MACROD2: variants seen among roughly 807,000 people sequenced by gnomAD.
The protein encoded by MACROD2 is ADP-ribose glycohydrolase MACROD2.
MACROD2 carries 36 observed loss-of-function variants against 70.4 expected under a neutral mutation model. The observed-to-expected ratio is 0.51, with a 90% CI of 0.39 to 0.68. MACROD2 has a LOEUF of 0.68. MACROD2 is among the 30% of genes least tolerant of loss of function. The pLI is 0.00. For synonymous variants in MACROD2, 172 were observed against 178.8 expected, an observed-to-expected ratio of 0.96 and a Z score of 0.30; for missense variants, 496 against 538.4, an observed-to-expected ratio of 0.92 and a Z score of 0.78.
intron 2 of MACROD2, among the ~76,000 whole-genome samples, chr20:14,059,514 G>A (rs1168358593): frequency 6.6e-6 from 1 of 152,170 alleles, no homozygotes; most frequent in Non-Finnish European, 1.5e-5. Flanking sequence ...ATGAATGACT[G>A]CAGTTCGGAT....
intron 5 of MACROD2, among the ~76,000 whole-genome samples, chr20:14,976,187 C>T (rs1384881301): frequency 1.3e-5 from 2 of 152,070 alleles, no homozygotes; most frequent in East Asian, 1.9e-4. Context: ...AACAAATTAC[C>T]ACAGATTTCA....
In MACROD2 at chr20:15,754,968, C is replaced by T. The variant is rs559764589; in HGVS notation, c.646-107777C>T. Among the ~76,000 whole-genome samples the T allele has an allele frequency of 2.2e-3, 331 of 152,022 alleles. 2 individuals carry two copies. The highest frequency in any genetic ancestry group is 7.7e-3 in the African/African-American group (318 of 41,480). On this transcript the variant is annotated intron_variant, in intron 8 of 17. Transcript: ENST00000684519. ...CTGCCTCCCAGGTTTAAGCGATTCT[C>T]CTACCTTAGCCTCCTGGGTAGTTGG...
chr20:14,435,471 T>C (rs933233403), intron 3 of MACROD2, among the ~76,000 whole-genome samples: 1 of 152,186 alleles, frequency 6.6e-6, no homozygotes, highest in Non-Finnish European at 1.5e-5. Flanking sequence ...CAGTGTTCAC[T>C]GCTTTTGTTC....
intron 5 of MACROD2, among the ~76,000 whole-genome samples, chr20:14,932,990 T>C (rs1397417034): frequency 3.3e-5 from 5 of 152,136 alleles, no homozygotes; most frequent in South Asian, 2.1e-4. Context: ...TTCTTTTATA[T>C]AGACAAAATA....
At chr20:15,083,933 C>A (rs2075724720) in intron 5 of MACROD2, among the ~76,000 whole-genome samples, 1 of 151,588 alleles carries the variant, frequency 6.6e-6, no homozygotes, top group Non-Finnish European at 1.5e-5. Flanking sequence ...ATTTGAACCA[C>A]AGCACAAAAT....
intron 3 of MACROD2, among the ~76,000 whole-genome samples, chr20:14,342,509 G>T (rs1432269802): frequency 1.3e-5 from 2 of 152,104 alleles, no homozygotes; most frequent in Non-Finnish European, 2.9e-5. Context: ...TAAGCCTATA[G>T]GATGTTAATA....
chr20:14,063,096 A>G (rs1389394009), intron 2 of MACROD2, among the ~76,000 whole-genome samples: 1 of 152,182 alleles, frequency 6.6e-6, no homozygotes, highest in Non-Finnish European at 1.5e-5. Context: ...ATACATATAA[A>G]TAGGTCTTTA....
chr20:14,371,846 G>A (rs1294390806), intron 3 of MACROD2, among the ~76,000 whole-genome samples: 1 of 151,546 alleles, frequency 6.6e-6, no homozygotes, highest in Non-Finnish European at 1.5e-5. Context: ...TGAAGAATGG[G>A]AATGAAGATT....
intron 4 of MACROD2, among the ~76,000 whole-genome samples, chr20:14,611,425 A>C (rs1983150874): frequency 7.6e-6 from 1 of 131,772 alleles, no homozygotes; most frequent in South Asian, 2.4e-4. Flanking sequence ...CTTCCTCATT[A>C]TGTTCAGAGA....
chr20:15,076,549 T>C (rs2075659468), intron 5 of MACROD2, among the ~76,000 whole-genome samples: 2 of 152,132 alleles, frequency 1.3e-5, no homozygotes, highest in African/African-American at 2.4e-5. Context: ...ATTTAGCAAC[T>C]CCCTTTTGGC....
chr20:16,049,645 A>G (rs1309811550), intron 17 of MACROD2, among the ~76,000 whole-genome samples, 185 bp from the exon 18 acceptor site: 1 of 152,218 alleles, frequency 6.6e-6, no homozygotes, highest in Non-Finnish European at 1.5e-5. Context: ...TATGCTCTTT[A>G]AAGATACCAT....
intron 6 of MACROD2, among the ~76,000 whole-genome samples, chr20:15,274,202 A>G (rs77278393): frequency 0.035 from 5,271 of 152,288 alleles, 122 homozygotes; most frequent in South Asian, 0.081. Flanking sequence ...AGACTGGAAT[A>G]CAGCCATCAG....
intron 4 of MACROD2, among the ~76,000 whole-genome samples, chr20:14,574,729 C>A (rs1012111992): frequency 2.6e-5 from 4 of 151,102 alleles, no homozygotes; most frequent in African/African-American, 9.7e-5. Flanking sequence ...TAAATATTCA[C>A]GGCCGGGCGC....
chr20:14,414,584 A>G (rs2083783609), intron 3 of MACROD2, among the ~76,000 whole-genome samples: 1 of 152,148 alleles, frequency 6.6e-6, no homozygotes, highest in Non-Finnish European at 1.5e-5. Context: ...AAAGTAAAAC[A>G]CCTAATAGGT....
chr20:15,142,578 T>G (rs2076199979), intron 5 of MACROD2, among the ~76,000 whole-genome samples: 1 of 152,130 alleles, frequency 6.6e-6, no homozygotes, highest in African/African-American at 2.4e-5. Flanking sequence ...TTGTTACATA[T>G]GTATACATGT....
rs557364637 is a variant in MACROD2 at position 14,808,977 on chromosome 20, A to G, written c.418+124018A>G. ...CCTACAAAGAGACTTAGACTCCTAC[A>G]CAATAATAGTGGGAGACTTTAACAC... On this transcript the variant is annotated intron_variant, in intron 5 of 17. Transcript: ENST00000684519. 7.9e-5 allele frequency among the ~76,000 whole-genome samples: 12 copies of G among 152,254 alleles called. No individual in the cohort carries two copies. The South Asian group carries it at 2.3e-3, about 29-fold the overall frequency.
rs1480807710 is a variant in MACROD2, at chr20:15,815,598, G to A, written c.646-47147G>A. Among the ~76,000 whole-genome samples, 7 of 152,092 alleles carry A rather than the reference G, an allele frequency of 4.6e-5. No individual in the cohort carries two copies. In the East Asian group the frequency reaches 5.8e-4, roughly 13 times the overall value. Reference sequence around the variant, plus strand: ...CTACTTGAGTGACATCTTCCTGATCGTAGCAGAATGAAATATTATGACAGT... The same window carrying A: ...CTACTTGAGTGACATCTTCCTGATCATAGCAGAATGAAATATTATGACAGT... On this transcript the variant is annotated intron_variant, in intron 8 of 17. Coordinates refer to ENST00000684519, the MANE Select transcript of MACROD2 (RefSeq NM_001351661.2).
At chr20:15,682,513 T>G (rs1412026537) in intron 8 of MACROD2, among the ~76,000 whole-genome samples, 1 of 152,184 alleles carries the variant, frequency 6.6e-6, no homozygotes. Context: ...TTATAGCCAT[T>G]GTCTAAATGC....
In MACROD2 at chr20:14,542,769, A is replaced by G. The variant is rs2085449629; in HGVS notation, c.301+49261A>G. On this transcript the variant is annotated intron_variant, in intron 4 of 17. Transcript: ENST00000684519. ...ATGGGAGAATCCAGGTAGTGGGTAC[A>G]TCGGATTTTACTCTACAGTTCTTTC... Among the ~76,000 whole-genome samples the G allele has an allele frequency of 2.0e-5, 3 of 152,222 alleles. No individual in the cohort carries two copies. The South Asian group carries it at 6.2e-4, about 31-fold the overall frequency.
Sources: gnomAD v4.1 joint callset for allele counts (sites outside exome capture counted in the v4.1 genomes callset) on GRCh38, gnomAD v4.1.1 for gene constraint, MANE v1.5 for transcripts, NCBI Gene and HGNC (gene_info 2026-07-23, HGNC 2026-07-21) for gene names.